The following RHOBTB2 variants were observed in gnomAD, a reference collection of about 807,000 sequenced individuals.
RHOBTB2 encodes the protein rho-related BTB domain-containing protein 2.
Under a neutral mutation model 66.5 loss-of-function variants are expected in RHOBTB2, and 39 were observed. That is an observed-to-expected ratio of 0.59 (90% CI 0.45 to 0.77). RHOBTB2 has a LOEUF of 0.77. Among genes scored for constraint, RHOBTB2 ranks in the 30% least tolerant of loss-of-function variants. The pLI is 0.00. For synonymous variants in RHOBTB2, 390 were observed against 395.0 expected (o/e 0.99, Z 0.15); for missense variants, 755 against 999.1 (o/e 0.76, Z 3.29).
Position 23,006,069 on chromosome 8 carries a change from A to G in RHOBTB2, c.406A>G (p.Ile136Val), listed in dbSNP as rs141992570. 9.6e-5 allele frequency: 155 copies of G among 1,613,116 alleles called. 1 individual carries two copies. Among genetic ancestry groups the G allele is most frequent in the Middle Eastern group, 3.3e-4 (2 of 6,078 alleles). ...GCACTTCTGCCCCCGAGCACCTGTCATCTTGGTGGGCTGCCAGTTGGACCT... is the reference window on the plus strand; with the variant it reads ...GCACTTCTGCCCCCGAGCACCTGTCGTCTTGGTGGGCTGCCAGTTGGACCT... ...IKHFCPRAPVILVGCQLDLRY... is the reference protein window; with the variant it reads ...IKHFCPRAPVVLVGCQLDLRY... The change falls in exon 4 of 10, where the codon ATC becomes GTC. Residue 136 changes from isoleucine to valine, a missense_variant. By Grantham distance (29) the Ile-to-Val change is conservative. This residue lies in a region of RHOBTB2 where 33 missense variants were observed against 36.0 expected (regional missense o/e 0.92). Transcript: ENST00000251822. This position sits in a 1 kb window ranked among gnomAD's most constrained non-coding sequence, Gnocchi z 6.1.
At chr8:22,973,387 C>T in the RHOBTB2 span, among the ~76,000 whole-genome samples, 1 of 152,122 alleles carries the variant, frequency 6.6e-6, no homozygotes, top group Admixed American at 6.5e-5. Flanking sequence ...TGCTGCCATA[C>T]AGGACTAATT....
chr8:22,994,592 CT>C, upstream of RHOBTB2: 1 of 1,551,548 alleles, frequency 6.4e-7, no homozygotes, highest in Middle Eastern at 1.7e-4. Context: ...CGATGCAAGC[CT>C]GGAGAAAAGG....
the RHOBTB2 span, among the ~76,000 whole-genome samples, chr8:22,981,010 C>T: frequency 2.6e-5 from 4 of 152,182 alleles, no homozygotes; most frequent in African/African-American, 7.2e-5. Flanking sequence ...AAGTATGATA[C>T]GTTATCTGTT....
At position 23,018,097 on chromosome 8, in the gene RHOBTB2, A is replaced by G. The variant is rs2472565; in HGVS notation, c.*628A>G. On this transcript the variant is annotated 3_prime_UTR_variant, in exon 10 of 10. Transcript: ENST00000251822. The stretch of plus-strand genomic sequence containing the variant: ...TCCCTCCGTCCCAGGGGGCTGTGCT[A>G]GCACAGACCTGAGAATGGGGACACA... 0.87 allele frequency: 133,996 copies of G among 153,640 alleles called. 58,737 individuals carry two copies. The highest frequency in any genetic ancestry group is 0.98 in the East Asian group (5,065 of 5,162). The allele number at this position is 153,640 out of a possible 1,614,324, so 9.5% of individuals were successfully genotyped here. A position where few individuals can be genotyped will look rare whatever the true frequency, so the allele number is the denominator to read the frequency against.
At chr8:22,996,539 G>C (rs1031115148), upstream of RHOBTB2, among the ~76,000 whole-genome samples, 222 of 142,782 alleles carry the variant, frequency 1.6e-3, 3 homozygotes, top group Admixed American at 5.5e-3. Flanking sequence ...GTGTGTGTGT[G>C]TGTGTGTGTG....
intron 7 of RHOBTB2, among the ~76,000 whole-genome samples, chr8:23,011,002 G>A (rs892162802): frequency 6.6e-6 from 1 of 152,198 alleles, no homozygotes; most frequent in Non-Finnish European, 1.5e-5. Flanking sequence ...GGCCAAGGCG[G>A]GAGGATCACT....
intron 1 of RHOBTB2, among the ~76,000 whole-genome samples, chr8:23,001,865 G>A (rs895578172): frequency 6.6e-6 from 1 of 152,236 alleles, no homozygotes; most frequent in Non-Finnish European, 1.5e-5. Context: ...GGATGGAAGG[G>A]GTTGCGCAAC....
At chr8:22,987,316 G>C (rs1192958111), upstream of RHOBTB2, 1 of 152,414 alleles carries the variant, frequency 6.6e-6, no homozygotes, top group African/African-American at 2.4e-5. Flanking sequence ...GCCCTGGACG[G>C]GGAACAAAGC....
intron 6 of RHOBTB2, among the ~76,000 whole-genome samples, chr8:23,009,450 ACT>A (rs780267519): frequency 6.6e-6 from 1 of 152,096 alleles, no homozygotes; most frequent in Non-Finnish European, 1.5e-5. Context: ...ATTGCCCATC[ACT>A]GAGTGTCGTC....
the RHOBTB2 span, among the ~76,000 whole-genome samples, chr8:22,951,610 A>G: frequency 2.0e-5 from 3 of 152,206 alleles, no homozygotes; most frequent in Admixed American, 2.0e-4. Context: ...GGAGAATTAT[A>G]AAGAACCTTC....
At chr8:22,999,160 C>A (rs533521495), upstream of RHOBTB2, 1 of 152,268 alleles carries the variant, frequency 6.6e-6, no homozygotes, top group African/African-American at 2.4e-5. Context: ...CGCCCCCCGC[C>A]CCCCCGACTG....
rs1811400597 is a variant in RHOBTB2, at chr8:23,019,116, G to A, written c.*1647G>A. 6.6e-6 allele frequency: 1 copy of A among 152,472 alleles called. No individual in the cohort carries two copies. Among genetic ancestry groups the A allele is most frequent in the Non-Finnish European group, 1.5e-5 (1 of 68,214 alleles). 9.4% of individuals were successfully genotyped at this position (152,472 alleles called of 1,614,324 possible). On this transcript the variant is annotated 3_prime_UTR_variant, in exon 10 of 10. Coordinates refer to ENST00000251822, the MANE Select transcript of RHOBTB2 (RefSeq NM_015178.3). Reference sequence around the variant, plus strand: ...GTGGGGCTGTGGGCTCAGAGCTCAGGAGTCGCCTTACCTGAGAGAGATGTT... The same window carrying A: ...GTGGGGCTGTGGGCTCAGAGCTCAGAAGTCGCCTTACCTGAGAGAGATGTT...
the RHOBTB2 span, among the ~76,000 whole-genome samples, chr8:22,970,476 C>T: frequency 6.6e-6 from 1 of 152,114 alleles, no homozygotes; most frequent in African/African-American, 2.4e-5. Context: ...TTGTGCATGC[C>T]TGTGGTCCCA....
chr8:23,015,119 CTCCCTTAA>C (rs1000041077), intron 8 of RHOBTB2, among the ~76,000 whole-genome samples: 1 of 152,234 alleles, frequency 6.6e-6, no homozygotes, highest in African/African-American at 2.4e-5. Context: ...TAACCGCCTA[CTCCCTTAA>C]TCCCAAACAA....
At chr8:22,959,556 C>G in the RHOBTB2 span, among the ~76,000 whole-genome samples, 1 of 152,098 alleles carries the variant, frequency 6.6e-6, no homozygotes, top group Non-Finnish European at 1.5e-5. Flanking sequence ...GCCTGGCCTA[C>G]TCTTTCTAGG....
chr8:22,980,614 C>G, the RHOBTB2 span, among the ~76,000 whole-genome samples: 1 of 152,120 alleles, frequency 6.6e-6, no homozygotes, highest in Non-Finnish European at 1.5e-5. Flanking sequence ...CACCAAATTC[C>G]TTAGTAATTT....
In RHOBTB2 at chr8:23,010,675, G is replaced by A. The variant is rs147969537; in HGVS notation, c.1758G>A (p.Leu586=). ...CCAACCGCCTCTGCCTGCCACACCT[G>A]GTTGCCCTCACAGGTAACTAAGCAG... ...ILANRLCLPH[L]VALTEQYTVT... The change falls in exon 7 of 10, where the codon CTG becomes CTA. Residue 586 remains leucine, a synonymous_variant. Transcript: ENST00000251822. 1.2e-6 allele frequency: 2 copies of A among 1,614,012 alleles called. No individual in the cohort carries two copies. The highest frequency in any genetic ancestry group is 2.7e-5 in the African/African-American group (2 of 74,924).
At position 23,004,130 on chromosome 8, in the gene RHOBTB2, A is replaced by T. The variant is rs143058436; in HGVS notation, c.-10-295A>T. Reference sequence around the variant, plus strand: ...ACAGGGCAGGGCCTCGGCAAGCTCCACTGGTGATCTCGCGTAGGTCTCCTT... The same window carrying T: ...ACAGGGCAGGGCCTCGGCAAGCTCCTCTGGTGATCTCGCGTAGGTCTCCTT... On this transcript the variant is annotated intron_variant, in intron 1 of 9. Transcript: ENST00000251822. This position sits in a 1 kb window ranked among gnomAD's most constrained non-coding sequence, Gnocchi z 6.4. 9.1e-4 allele frequency: 397 copies of T among 434,586 alleles called. 1 individual carries two copies. The highest frequency in any genetic ancestry group is 7.4e-3 in the African/African-American group (370 of 49,802). The allele number at this position is 434,586 out of a possible 1,614,324, so 26.9% of individuals were successfully genotyped here.
At chr8:22,951,241 GCTC>G in the RHOBTB2 span, among the ~76,000 whole-genome samples, 1 of 127,308 alleles carries the variant, frequency 7.9e-6, no homozygotes, top group African/African-American at 3.0e-5. Context: ...TTTCTACTTA[GCTC>G]TTTTTTTTTT....
Sources: allele counts gnomAD v4.1 joint callset (sites outside exome capture counted in the v4.1 genomes callset), GRCh38; gene constraint gnomAD v4.1.1; regional missense constraint gnomAD v4.1.1; non-coding constraint Gnocchi (gnomAD v3.1); transcripts MANE v1.5; gene names NCBI Gene and HGNC (gene_info 2026-07-23, HGNC 2026-07-21).